MACF1: variants seen among roughly 807,000 people sequenced by gnomAD.
The protein encoded by MACF1 is microtubule actin crosslinking factor 1, also known as microtubule-actin cross-linking factor 1.
MACF1 carries 193 observed loss-of-function variants against 854.8 expected under a neutral mutation model. The ratio of observed to expected loss-of-function variants is 0.23; its 90% CI spans 0.20 to 0.25. The LOEUF (loss-of-function observed/expected upper bound fraction) is 0.25, where lower values mean the gene tolerates loss of function less well. MACF1 is among the 10% of genes least tolerant of loss of function. The pLI is 1.00. For synonymous variants in MACF1, 3,185 were observed against 3,226.7 expected, an observed-to-expected ratio of 0.99 and a Z score of 0.44; for missense variants, 7,722 against 8,929.1, an observed-to-expected ratio of 0.86 and a Z score of 5.45.
chr1:39,474,632 T>G (rs1270673572), intron 97 of MACF1, among the ~76,000 whole-genome samples: 1 of 152,090 alleles, frequency 6.6e-6, no homozygotes, highest in East Asian at 1.9e-4. Flanking sequence ...AAGCGGAGGT[T>G]GTGGTGAGCT....
Position 39,239,079 on chromosome 1 carries a change from G to A in MACF1, c.171+7836G>A, listed in dbSNP as rs1323971673. Among the ~76,000 whole-genome samples the A allele has an allele frequency of 2.0e-5, 3 of 152,226 alleles. No individual in the cohort carries two copies. In the South Asian group the frequency reaches 6.2e-4, roughly 32 times the overall value. On this transcript the variant is annotated intron_variant, in intron 2 of 100. Transcript: ENST00000564288. ...GTGGATCACTTGAGGTCAGGAGTTC[G>A]AGACCAGCCAGGCCAACATGGTGAA...
At chr1:39,241,659 C>CAAAAAAAAAAAAAAAAAAAAAAAAAAA (rs35678466) in intron 2 of MACF1, among the ~76,000 whole-genome samples, 1 of 51,508 alleles carries the variant, frequency 1.9e-5, no homozygotes. Context: ...GACTCCATCT[C>CAAAAAAAAAAAAAAAAAAAAAAAAAAA]AAAAAAAAAA....
At chr1:39,161,569 AC>A (rs1340317714) in intron 2 of MACF1, among the ~76,000 whole-genome samples, 1 of 152,012 alleles carries the variant, frequency 6.6e-6, no homozygotes, top group Non-Finnish European at 1.5e-5. Flanking sequence ...AAAAAACAAT[AC>A]AAAAACTAGC....
At chr1:39,238,895 A>AT (rs947425114) in intron 2 of MACF1, among the ~76,000 whole-genome samples, 30 of 151,508 alleles carry the variant, frequency 2.0e-4, no homozygotes, top group Admixed American at 1.5e-3. Flanking sequence ...AGGGATTGAG[A>AT]TTTTTTTTTG....
chr1:39,337,562 A>ATTTTTTTTTTTTTTTT (rs35312351), intron 38 of MACF1, among the ~76,000 whole-genome samples: 1 of 100,154 alleles, frequency 1.0e-5, no homozygotes, highest in Non-Finnish European at 1.9e-5. Flanking sequence ...AATTACTACC[A>ATTTTTTTTTTTTTTTT]TTTTTTTTTT....
At chr1:39,474,771 C>T (rs766986343) in intron 97 of MACF1, among the ~76,000 whole-genome samples, 2 of 152,138 alleles carry the variant, frequency 1.3e-5, no homozygotes, top group South Asian at 2.1e-4. Context: ...CCAGCCTCAG[C>T]GACAGAGTGA....
At chr1:39,232,849 C>G (rs1557532468) in intron 2 of MACF1, among the ~76,000 whole-genome samples, 1 of 149,626 alleles carries the variant, frequency 6.7e-6, no homozygotes. Context: ...TTGGGAAGAT[C>G]ACAGCTCACT....
At position 39,293,565 on chromosome 1, in the gene MACF1, A is replaced by G. The variant is rs780868218; in HGVS notation, c.2100A>G (p.Ala700=). ...WLNEKEEEEL[A]YDWSDNNSNI... ...ATGAGAAGGAGGAGGAGGAACTAGC[A>G]TATGACTGGAGTGACAACAATTCCA... The change falls in exon 18 of 101, where the codon GCA becomes GCG. Residue 700 remains alanine (A), a synonymous_variant. Transcript: ENST00000564288. 89 of 1,613,902 alleles carry G rather than the reference A, an allele frequency of 5.5e-5. No homozygotes were observed. The South Asian group carries it at 7.5e-4, about 14-fold the overall frequency.
intron 58 of MACF1, among the ~76,000 whole-genome samples, chr1:39,407,060 T>C (rs924149273): frequency 2.6e-5 from 4 of 152,208 alleles, no homozygotes; most frequent in African/African-American, 9.6e-5. Context: ...ACTTTAAAAT[T>C]CATCTGAACA....
At chr1:39,368,437 T>A in intron 50 of MACF1, 123 bp downstream of exon 50, 1 of 959,874 alleles carries the variant, frequency 1.0e-6, no homozygotes, top group Non-Finnish European at 1.5e-6. Flanking sequence ...ACTACTGAGT[T>A]GTAGGAGGGT....
rs115915605 is a variant in MACF1 at position 39,205,814 on chromosome 1, A to G, written c.109+683A>G. The stretch of plus-strand genomic sequence containing the variant: ...ATTAAAAAAAAAATTTTTTTTTGTA[A>G]TGGCACCAGAACCCTCATTCTTCCC... On this transcript the variant is annotated intron_variant, in intron 1 of 100. Transcript: ENST00000564288. Among the ~76,000 whole-genome samples, 306 of 151,904 alleles carry G rather than the reference A, an allele frequency of 2.0e-3. 1 individual carries two copies. The highest frequency in any genetic ancestry group is 6.6e-3 in the African/African-American group (275 of 41,402).
chr1:39,280,783 G>A (rs935077317), intron 6 of MACF1, among the ~76,000 whole-genome samples: 4 of 152,146 alleles, frequency 2.6e-5, no homozygotes, highest in South Asian at 2.1e-4. Context: ...TCACCATGTC[G>A]GCCAGGCTGG....
In MACF1 at chr1:39,461,946, G is replaced by A; in HGVS notation, c.21587G>A (p.Gly7196Asp). The A allele has an allele frequency of 6.2e-7, 1 of 1,614,030 alleles. No homozygotes were observed. The highest frequency in any genetic ancestry group is 8.5e-7 in the Non-Finnish European group (1 of 1,179,986). The change falls in exon 93 of 101, where the codon GGT becomes GAT. Residue 7196 changes from glycine (G) to aspartate (D), a missense_variant. Physicochemically the swap from Gly to Asp is moderately conservative, Grantham distance 94. Coordinates refer to ENST00000564288, the MANE Select transcript of MACF1 (RefSeq NM_001394062.1). The stretch of plus-strand genomic sequence containing the variant: ...GACATTTTCGACCGAGATGGGGATG[G>A]TTACATTGATTATTATGAATTTGTG... Reference protein sequence around the residue: ...VADIFDRDGDGYIDYYEFVAA... With the variant: ...VADIFDRDGDDYIDYYEFVAA...
intron 23 of MACF1, among the ~76,000 whole-genome samples, chr1:39,307,464 A>G (rs572255908): frequency 2.6e-5 from 4 of 152,190 alleles, no homozygotes; most frequent in Admixed American, 2.6e-4. Flanking sequence ...TTTGTCTCTA[A>G]TCTTTAAAAG....
At chr1:39,287,717 G>T (rs1645672492) in intron 15 of MACF1, 155 bp downstream of exon 15, 1 of 835,978 alleles carries the variant, frequency 1.2e-6, no homozygotes. Flanking sequence ...ATGTTGCCCA[G>T]GCTGGACTGG....
At position 39,282,262 on chromosome 1, in the gene MACF1, C is replaced by T; in HGVS notation, c.583C>T (p.Leu195=). The change falls in exon 7 of 101, where the codon CTA becomes TTA. Residue 195 remains leucine (L), a synonymous_variant. Transcript: ENST00000564288. The part of the protein sequence containing the change: ...ESGDMSAKEK[L]LLWTQKVTAG... ...AGGGGATATGTCAGCCAAGGAGAAA[C>T]TACTCCTGTGGACCCAGAAGGTGAC... 6.2e-7 allele frequency: 1 copy of T among 1,614,066 alleles called. No individual in the cohort carries two copies. The highest frequency in any genetic ancestry group is 8.5e-7 in the Non-Finnish European group (1 of 1,179,972).
At chr1:39,351,556 T>C (rs1380471438) in intron 43 of MACF1, among the ~76,000 whole-genome samples, 4 of 151,188 alleles carry the variant, frequency 2.6e-5, no homozygotes. Flanking sequence ...AAGAGTATTA[T>C]TATGGGGAGA....
chr1:39,258,053 C>T (rs1328507369), intron 6 of MACF1, 25 bp downstream of exon 6: 15 of 1,588,482 alleles, frequency 9.4e-6, no homozygotes, highest in Non-Finnish European at 1.3e-5. Context: ...GTTTGGAATT[C>T]CTGTTGCTTT....
intron 41 of MACF1, among the ~76,000 whole-genome samples, chr1:39,347,787 G>A (rs1474580741): frequency 1.3e-5 from 2 of 152,102 alleles, no homozygotes; most frequent in Non-Finnish European, 2.9e-5. Context: ...ATAGTGCCCA[G>A]TGCTTATTCG....
Sources: gnomAD v4.1 joint callset for allele counts (sites outside exome capture counted in the v4.1 genomes callset) on GRCh38, gnomAD v4.1.1 for gene constraint, MANE v1.5 for transcripts, NCBI Gene and HGNC (gene_info 2026-07-23, HGNC 2026-07-21) for gene names.